LOC400499: variants seen among roughly 807,000 people sequenced by gnomAD.
the LOC400499 span, among the ~76,000 whole-genome samples, chr16:11,400,895 T>C: frequency 4.5e-4 from 69 of 152,232 alleles, no homozygotes; most frequent in East Asian, 9.7e-4. Context: ...AGAGAGGCGA[T>C]AGGACACACC....
chr16:11,493,359 C>T, the LOC400499 span, among the ~76,000 whole-genome samples: 18 of 152,152 alleles, frequency 1.2e-4, no homozygotes, highest in African/African-American at 4.3e-4. Flanking sequence ...GAAAAACAGA[C>T]CAAGGGCCAG....
At chr16:11,450,595 C>T in the LOC400499 span, 18 of 1,535,008 alleles carry the variant, frequency 1.2e-5, 2 homozygotes, top group East Asian at 2.0e-4. Flanking sequence ...TATCGGGGGC[C>T]GAGCACTGCT....
At chr16:11,381,361 A>G in the LOC400499 span, among the ~76,000 whole-genome samples, 1 of 152,026 alleles carries the variant, frequency 6.6e-6, no homozygotes, top group Non-Finnish European at 1.5e-5. Flanking sequence ...TCAGCCTCCC[A>G]AAGTGCTGGG....
the LOC400499 span, among the ~76,000 whole-genome samples, chr16:11,403,812 C>T: frequency 5.2e-4 from 78 of 150,596 alleles, 2 homozygotes; most frequent in South Asian, 0.016. Flanking sequence ...GGCGCTGTGT[C>T]GGCACTCAGC....
chr16:11,515,974 G>A, the LOC400499 span: 2 of 399,918 alleles, frequency 5.0e-6, no homozygotes, highest in African/African-American at 2.1e-5. Context: ...AGCGTCCCCT[G>A]CGCAGGGAGC....
the LOC400499 span, chr16:11,401,168 C>T: frequency 2.5e-6 from 1 of 398,480 alleles, no homozygotes; most frequent in Non-Finnish European, 4.4e-6. Context: ...GATGAACACA[C>T]TCTCCTTCTC....
At chr16:11,375,640 C>T in the LOC400499 span, among the ~76,000 whole-genome samples, 1 of 151,908 alleles carries the variant, frequency 6.6e-6, no homozygotes, top group Non-Finnish European at 1.5e-5. Context: ...TTTGAGTTCC[C>T]CTAATAATTA....
At chr16:11,500,793 C>A in the LOC400499 span, 2 of 399,136 alleles carry the variant, frequency 5.0e-6, no homozygotes, top group Non-Finnish European at 4.4e-6. Context: ...GGGTGGGGTG[C>A]AGGGACTCAC....
the LOC400499 span, among the ~76,000 whole-genome samples, chr16:11,438,544 G>C: frequency 7.0e-6 from 1 of 142,308 alleles, no homozygotes; most frequent in South Asian, 2.2e-4. Flanking sequence ...GCCAAGGGAA[G>C]AGGATCACTT....
At chr16:11,399,074 C>T in the LOC400499 span, 1 of 374,926 alleles carries the variant, frequency 2.7e-6, no homozygotes, top group Non-Finnish European at 3.7e-6. Flanking sequence ...CTGGTTCCTG[C>T]CCCAAGCTCT....
the LOC400499 span, chr16:11,417,927 G>A: frequency 7.5e-6 from 3 of 397,942 alleles, no homozygotes; most frequent in Non-Finnish European, 1.3e-5. Flanking sequence ...CAAACCCTGG[G>A]GTTATCAGTG....
the LOC400499 span, chr16:11,417,814 C>G: frequency 2.5e-6 from 1 of 398,780 alleles, no homozygotes; most frequent in Non-Finnish European, 4.4e-6. Context: ...GAAGCCGGAG[C>G]TGCCATTGTG....
the LOC400499 span, among the ~76,000 whole-genome samples, chr16:11,391,109 A>C: frequency 2.6e-5 from 4 of 152,138 alleles, no homozygotes; most frequent in African/African-American, 4.8e-5. Context: ...TCACAGGAAC[A>C]CTCTGGCACA....
chr16:11,468,099 A>C, the LOC400499 span, among the ~76,000 whole-genome samples: 2 of 147,558 alleles, frequency 1.4e-5, no homozygotes, highest in Non-Finnish European at 3.0e-5. Flanking sequence ...GGAAAAAAAA[A>C]ACAAAAAACA....
chr16:11,476,177 C>T, the LOC400499 span, among the ~76,000 whole-genome samples: 2 of 144,582 alleles, frequency 1.4e-5, no homozygotes, highest in African/African-American at 5.3e-5. Context: ...GAGTGAGGGG[C>T]AGGGAACAGG....
At chr16:11,386,476 T>C in the LOC400499 span, among the ~76,000 whole-genome samples, 1 of 152,346 alleles carries the variant, frequency 6.6e-6, no homozygotes, top group Non-Finnish European at 1.5e-5. Flanking sequence ...CCCACGCTTC[T>C]AGGGAGCCCT....
At chr16:11,390,201 GC>G in the LOC400499 span, 1 of 1,232,480 alleles carries the variant, frequency 8.1e-7, no homozygotes, top group Non-Finnish European at 1.0e-6. Context: ...CTGTTGGGCG[GC>G]CTGGAGAGGG....
At chr16:11,487,198 G>C in the LOC400499 span, 2 of 398,664 alleles carry the variant, frequency 5.0e-6, no homozygotes, top group Non-Finnish European at 4.4e-6. Context: ...TAAGTGACTG[G>C]GATATTTTTT....
At chr16:11,496,746 G>C in the LOC400499 span, among the ~76,000 whole-genome samples, 2 of 152,144 alleles carry the variant, frequency 1.3e-5, no homozygotes, top group South Asian at 2.1e-4. Flanking sequence ...ATGTGTCCAG[G>C]TGTGGGTGGC....
Sources: allele counts gnomAD v4.1 joint callset (sites outside exome capture counted in the v4.1 genomes callset), GRCh38; gene constraint gnomAD v4.1.1; transcripts MANE v1.5.